CDK15: variants seen among roughly 807,000 people sequenced by gnomAD.
The protein encoded by CDK15 is cyclin dependent kinase 15, also known as cyclin-dependent kinase 15.
Under a neutral mutation model 60.3 loss-of-function variants are expected in CDK15, and 62 were observed. The ratio of observed to expected loss-of-function variants is 1.03; its 90% CI spans 0.84 to 1.27. CDK15 has a LOEUF of 1.27. Ranked by LOEUF, CDK15 falls within the 50% of genes most tolerant of loss-of-function variation. CDK15 has a pLI of 0.00. For missense variants in CDK15, 541 were observed against 527.8 expected, an observed-to-expected ratio of 1.03 and a Z score of -0.25; for synonymous variants, 194 against 195.7, an observed-to-expected ratio of 0.99 and a Z score of 0.07.
chr2:201,840,739 G>A (rs998061178), intron 8 of CDK15, among the ~76,000 whole-genome samples: 3 of 152,116 alleles, frequency 2.0e-5, no homozygotes, highest in African/African-American at 7.2e-5. Flanking sequence ...TGTTGCTGTC[G>A]AGGAGTTTGC....
At chr2:201,881,772 C>T (rs1348081134) in intron 12 of CDK15, among the ~76,000 whole-genome samples, 1 of 152,158 alleles carries the variant, frequency 6.6e-6, no homozygotes, top group Non-Finnish European at 1.5e-5. Context: ...TCCCCGGCCA[C>T]TCCCATCCCA....
chr2:201,836,800 GAAAAAAAA>G (rs779259853), intron 8 of CDK15, among the ~76,000 whole-genome samples: 3 of 132,042 alleles, frequency 2.3e-5, no homozygotes, highest in African/African-American at 8.2e-5. Context: ...CCTGGTTTAG[GAAAAAAAA>G]AAAAAAGCAT....
intron 10 of CDK15, chr2:201,860,648 G>A: frequency 3.1e-6 from 4 of 1,293,086 alleles, no homozygotes; most frequent in Non-Finnish European, 4.1e-6. Flanking sequence ...TAAAAGCCCT[G>A]CAGGGACCAG....
chr2:201,852,916 A>G (rs969143442), intron 9 of CDK15, among the ~76,000 whole-genome samples: 1 of 152,230 alleles, frequency 6.6e-6, no homozygotes, highest in Non-Finnish European at 1.5e-5. Flanking sequence ...CTTTAGTTAA[A>G]TATCATACAA....
At position 201,847,247 on chromosome 2, in the gene CDK15, C is replaced by T. The variant is rs149196542; in HGVS notation, c.852-134C>T. ...TTGACATAGGGACTTTTTTTTTGGC[C>T]CAAGACTTTTAATATCATGTGGTCC... On this transcript the variant is annotated intron_variant, in intron 8 of 13. Coordinates refer to ENST00000652192, the MANE Select transcript of CDK15 (RefSeq NM_001366386.2). 3.9e-4 allele frequency: 315 copies of T among 811,764 alleles called. 2 individuals are homozygous for T. The African/African-American group carries it at 4.9e-3, about 13-fold the overall frequency. The allele number at this position is 811,764 out of a possible 1,614,324, so 50.3% of individuals were successfully genotyped here.
chr2:201,879,434 C>T (rs11686668), intron 11 of CDK15, among the ~76,000 whole-genome samples: 10,494 of 152,220 alleles, frequency 0.069, 423 homozygotes, highest in Non-Finnish European at 0.085. Flanking sequence ...GGCTGGAGTG[C>T]TGTGGTGCAA....
chr2:201,889,232 C>T (rs1699559466), intron 12 of CDK15: 1 of 985,350 alleles, frequency 1.0e-6, no homozygotes, highest in Non-Finnish European at 1.2e-6. Flanking sequence ...AGAAGGCTCT[C>T]TTTTTGTTAA....
At chr2:201,865,627 C>T (rs976977048) in intron 10 of CDK15, among the ~76,000 whole-genome samples, 4 of 152,038 alleles carry the variant, frequency 2.6e-5, no homozygotes, top group Non-Finnish European at 5.9e-5. Context: ...CAGTGGCTCA[C>T]GCCTTTAATC....
intron 4 of CDK15, among the ~76,000 whole-genome samples, chr2:201,822,138 T>C (rs1333501265): frequency 6.6e-6 from 1 of 152,196 alleles, no homozygotes; most frequent in Non-Finnish European, 1.5e-5. Flanking sequence ...AGTAACCGAT[T>C]ATTGAAGAGG....
intron 13 of CDK15, among the ~76,000 whole-genome samples, chr2:201,892,264 A>T (rs1241112652): frequency 6.6e-6 from 1 of 152,186 alleles, no homozygotes; most frequent in Admixed American, 6.5e-5. Context: ...TAAACCTGCT[A>T]GTTATAAGGA....
At chr2:201,854,369 GC>G (rs1698048658) in intron 9 of CDK15, among the ~76,000 whole-genome samples, 1 of 152,166 alleles carries the variant, frequency 6.6e-6, no homozygotes, top group African/African-American at 2.4e-5. Flanking sequence ...ACATTCCATT[GC>G]CTGAAGCTCA....
Position 201,895,013 on chromosome 2 carries a change from C to G in CDK15, c.*1746C>G, listed in dbSNP as rs1699738814. 6.6e-6 allele frequency: 1 copy of G among 152,184 alleles called. No homozygotes were observed. Among genetic ancestry groups the G allele is most frequent in the Non-Finnish European group, 1.5e-5 (1 of 68,032 alleles). The allele number at this position is 152,184 out of a possible 1,614,324, so 9.4% of individuals were successfully genotyped here. Reference sequence around the variant, plus strand: ...TTAATAGTATAATTTCGCTGTCCCCCAGAGATAATGCTAGTACCAATCGAA... The same window carrying G: ...TTAATAGTATAATTTCGCTGTCCCCGAGAGATAATGCTAGTACCAATCGAA... On this transcript the variant is annotated 3_prime_UTR_variant, in exon 14 of 14. Transcript: ENST00000652192.
intron 8 of CDK15, among the ~76,000 whole-genome samples, chr2:201,840,856 C>T (rs1013468595): frequency 6.6e-6 from 1 of 152,050 alleles, no homozygotes; most frequent in African/African-American, 2.4e-5. Context: ...AGGAGGTGTC[C>T]AGTGTGGATT....
In CDK15 at chr2:201,847,392, G is replaced by T. The variant is rs757899266; in HGVS notation, c.863G>T (p.Cys288Phe). 45 of 1,613,904 alleles carry T rather than the reference G, an allele frequency of 2.8e-5. No individual in the cohort carries two copies. The highest frequency in any genetic ancestry group is 3.7e-5 in the Non-Finnish European group (44 of 1,179,866). Residue 288 changes from cysteine (C) to phenylalanine (F), a missense_variant, in exon 9 of 14, where the codon TGC (cysteine) becomes TTC (phenylalanine). Coordinates refer to ENST00000652192, the MANE Select transcript of CDK15 (RefSeq NM_001366386.2). ...ATTTCATTTGCTAGGGGTGCAGGCTGCATCTTTATTGAAATGTTCCAGGGT... is the reference window on the plus strand; with the variant it reads ...ATTTCATTTGCTAGGGGTGCAGGCTTCATCTTTATTGAAATGTTCCAGGGT... ...SSELDIWGAG[C>F]IFIEMFQGQP...
At position 201,822,891 on chromosome 2, in the gene CDK15, T is replaced by G. The variant is rs141046524; in HGVS notation, c.531T>G (p.Val177=). 234 of 1,604,936 alleles carry G rather than the reference T, an allele frequency of 1.5e-4. No homozygotes were observed. The African/African-American group carries it at 2.9e-3, about 20-fold the overall frequency. Residue 177 remains valine, a synonymous_variant, in exon 5 of 14, where the codon GTT becomes GTG. Coordinates refer to ENST00000652192, the MANE Select transcript of CDK15 (RefSeq NM_001366386.2). ...ACACCAAAGAGACACTGACATTCGT[T>G]TTTGAATACATGGTGAGTTGTTCGA... ...IIHTKETLTF[V]FEYMHTDLAQ... is the part of the protein sequence containing the mutation.
At chr2:201,819,801 C>T (rs79376455) in intron 4 of CDK15, among the ~76,000 whole-genome samples, 9,303 of 152,092 alleles carry the variant, frequency 0.061, 492 homozygotes, top group African/African-American at 0.15. Flanking sequence ...AAAAGATTTC[C>T]GCAAAGAAAC....
chr2:201,850,922 T>C (rs1436324444), intron 9 of CDK15, among the ~76,000 whole-genome samples: 1 of 152,170 alleles, frequency 6.6e-6, no homozygotes, highest in Non-Finnish European at 1.5e-5. Context: ...TAGGTCATCT[T>C]TTGAGAAATG....
chr2:201,839,716 A>G (rs115698448), intron 8 of CDK15, among the ~76,000 whole-genome samples: 199 of 152,314 alleles, frequency 1.3e-3, no homozygotes, highest in Non-Finnish European at 2.2e-3. Context: ...ACGAAACAAA[A>G]GTGACAAAAT....
chr2:201,883,980 T>A (rs1699370777), intron 12 of CDK15, among the ~76,000 whole-genome samples: 1 of 152,192 alleles, frequency 6.6e-6, no homozygotes, highest in Non-Finnish European at 1.5e-5. Flanking sequence ...AGCTGCCCCT[T>A]CTTAAAACTG....
Sources: allele counts gnomAD v4.1 joint callset (sites outside exome capture counted in the v4.1 genomes callset), GRCh38; gene constraint gnomAD v4.1.1; transcripts MANE v1.5; gene names NCBI Gene and HGNC (gene_info 2026-07-23, HGNC 2026-07-21).